CNTNAP4: variants seen among roughly 807,000 people sequenced by gnomAD.
CNTNAP4 encodes the protein contactin-associated protein-like 4.
Under a neutral mutation model 148.4 loss-of-function variants are expected in CNTNAP4, and 98 were observed. That is an observed-to-expected ratio of 0.66 (90% CI 0.56 to 0.78). CNTNAP4 has a LOEUF of 0.78. Among genes scored for constraint, CNTNAP4 ranks in the 30% least tolerant of loss-of-function variants. The pLI is 0.00. For missense variants in CNTNAP4, 1,935 were observed against 1,565.6 expected, an observed-to-expected ratio of 1.24 and a Z score of -3.98; for synonymous variants, 730 against 565.1, an observed-to-expected ratio of 1.29 and a Z score of -4.14.
intron 3 of CNTNAP4, among the ~76,000 whole-genome samples, chr16:76,421,074 C>G (rs145960997): frequency 1.2e-4 from 19 of 152,056 alleles, no homozygotes; most frequent in Admixed American, 1.2e-3. Context: ...TTGCATCTTT[C>G]CTGTGCTTTT....
intron 4 of CNTNAP4, among the ~76,000 whole-genome samples, chr16:76,438,803 C>T (rs902070245): frequency 1.3e-5 from 2 of 152,122 alleles, no homozygotes; most frequent in African/African-American, 4.8e-5. Flanking sequence ...GCTTAAATAG[C>T]ACTTCCTTAG....
chr16:76,316,541 C>T lies in CNTNAP4; in HGVS notation c.196+18C>T, dbSNP rs747980. On this transcript the variant is annotated intron_variant, in intron 2 of 23. Coordinates refer to ENST00000611870, the MANE Select transcript of CNTNAP4 (RefSeq NM_033401.5). ...AAGAGATGGTAAGTCTGCTTTTCTC[C>T]TCTGACTGGCCCATAGAAAATCTCA... is the stretch of plus-strand genomic sequence containing the variant. The T allele has an allele frequency of 0.31, 473,772 of 1,508,230 alleles. 78,825 individuals carry two copies. The highest frequency in any genetic ancestry group is 0.35 in the Non-Finnish European group (384,125 of 1,084,866). The allele number at this position is 1,508,230 out of a possible 1,614,324, so 93.4% of individuals were successfully genotyped here.
At chr16:76,518,191 A>C (rs1568478100) in intron 15 of CNTNAP4, among the ~76,000 whole-genome samples, 1 of 152,048 alleles carries the variant, frequency 6.6e-6, no homozygotes, top group Non-Finnish European at 1.5e-5. Context: ...GCAGATGCAT[A>C]ATCTGGGCTG....
chr16:76,367,492 A>G (rs2144598919), intron 3 of CNTNAP4, among the ~76,000 whole-genome samples: 1 of 152,310 alleles, frequency 6.6e-6, no homozygotes, highest in African/African-American at 2.4e-5. Context: ...ACATTGGGAA[A>G]TATTTTTAGC....
chr16:76,512,028 G>A (rs922977536), intron 15 of CNTNAP4, among the ~76,000 whole-genome samples: 1 of 152,176 alleles, frequency 6.6e-6, no homozygotes, highest in Non-Finnish European at 1.5e-5. Flanking sequence ...CAAGGCACAT[G>A]TCTACCTTTG....
chr16:76,400,294 C>T (rs1447375818), intron 3 of CNTNAP4, among the ~76,000 whole-genome samples: 1 of 152,130 alleles, frequency 6.6e-6, no homozygotes, highest in Non-Finnish European at 1.5e-5. Context: ...CATCACCTCA[C>T]ATATTTTTTG....
intron 17 of CNTNAP4, among the ~76,000 whole-genome samples, chr16:76,529,188 G>T (rs1568525367): frequency 1.3e-5 from 2 of 151,950 alleles, no homozygotes; most frequent in South Asian, 4.2e-4. Flanking sequence ...CTCCATTTTT[G>T]TTCTTAGTTG....
At chr16:76,523,266 A>G (rs893420100) in intron 17 of CNTNAP4, among the ~76,000 whole-genome samples, 1 of 94,924 alleles carries the variant, frequency 1.1e-5, no homozygotes, top group African/African-American at 4.0e-5. Context: ...CCATCACATC[A>G]AAAACAGGCC....
intron 20 of CNTNAP4, among the ~76,000 whole-genome samples, chr16:76,540,245 A>G (rs1364054424): frequency 6.6e-6 from 1 of 152,158 alleles, no homozygotes; most frequent in African/African-American, 2.4e-5. Flanking sequence ...AAATGGAATT[A>G]TTCATGGAGC....
Position 76,531,856 on chromosome 16 carries a change from G to T in CNTNAP4, c.2756-3689G>T, listed in dbSNP as rs550624040. Among the ~76,000 whole-genome samples, 3 of 152,200 alleles carry T rather than the reference G, an allele frequency of 2.0e-5. 1 individual carries two copies. Among genetic ancestry groups the T allele is most frequent in the African/African-American group, 7.2e-5 (3 of 41,520 alleles). ...ATGTTTTCTGGTCATTTAGAGTGTG[G>T]CTTAAAACTATTTGGTTAGGTAAAT... On this transcript the variant is annotated intron_variant, in intron 17 of 23. Coordinates refer to ENST00000611870, the MANE Select transcript of CNTNAP4 (RefSeq NM_033401.5).
At chr16:76,295,607 T>C (rs957301939) in intron 1 of CNTNAP4, among the ~76,000 whole-genome samples, 1 of 151,974 alleles carries the variant, frequency 6.6e-6, no homozygotes, top group African/African-American at 2.4e-5. Flanking sequence ...ACAATGCTAA[T>C]AAAGAACAGG....
chr16:76,296,365 C>T lies in CNTNAP4; in HGVS notation c.85+18618C>T, dbSNP rs886387640. ...AATAGTAAAGATTAAATACATCTGCCTTATGATAGAAGACTGAATTCCTAT... is the reference window on the plus strand; with the variant it reads ...AATAGTAAAGATTAAATACATCTGCTTTATGATAGAAGACTGAATTCCTAT... On this transcript the variant is annotated intron_variant, in intron 1 of 23. Coordinates refer to ENST00000611870, the MANE Select transcript of CNTNAP4 (RefSeq NM_033401.5). Among the ~76,000 whole-genome samples the T allele has an allele frequency of 2.0e-5, 3 of 152,118 alleles. 1 individual carries two copies. Among genetic ancestry groups the T allele is most frequent in the African/African-American group, 7.2e-5 (3 of 41,422 alleles).
intron 4 of CNTNAP4, among the ~76,000 whole-genome samples, chr16:76,433,097 C>T (rs962077251): frequency 6.6e-6 from 1 of 152,094 alleles, no homozygotes; most frequent in Non-Finnish European, 1.5e-5. Flanking sequence ...TTTTCTTCTC[C>T]CAATCATGAC....
chr16:76,360,360 C>G (rs2013254995), intron 3 of CNTNAP4, among the ~76,000 whole-genome samples: 1 of 152,168 alleles, frequency 6.6e-6, no homozygotes. Flanking sequence ...TTTCCACATG[C>G]ATTTGTTTTA....
intron 20 of CNTNAP4, 58 bp from the exon 21 acceptor site, chr16:76,540,645 T>C (rs2144291959): frequency 2.4e-6 from 3 of 1,255,798 alleles, no homozygotes; most frequent in Non-Finnish European, 3.4e-6. Context: ...TTGCTTCCTG[T>C]CTTCTCAACA....
At chr16:76,331,339 C>T (rs1302699938) in intron 2 of CNTNAP4, among the ~76,000 whole-genome samples, 1 of 152,022 alleles carries the variant, frequency 6.6e-6, no homozygotes, top group Non-Finnish European at 1.5e-5. Flanking sequence ...AGGCGCCCGC[C>T]ACCATGCTCG....
intron 3 of CNTNAP4, among the ~76,000 whole-genome samples, chr16:76,376,150 G>T (rs1193094839): frequency 6.7e-6 from 1 of 150,248 alleles, no homozygotes; most frequent in African/African-American, 2.5e-5. Flanking sequence ...GGGAAATAAA[G>T]AAAAGCAAGC....
At chr16:76,413,566 A>AT in intron 3 of CNTNAP4, among the ~76,000 whole-genome samples, 1 of 150,288 alleles carries the variant, frequency 6.7e-6, no homozygotes, top group East Asian at 2.0e-4. Context: ...TATCCAGTAA[A>AT]AAAAAAACCC....
chr16:76,292,931 G>T (rs960904045), intron 1 of CNTNAP4, among the ~76,000 whole-genome samples: 2 of 152,102 alleles, frequency 1.3e-5, no homozygotes, highest in African/African-American at 4.8e-5. Flanking sequence ...GAGTGAATAT[G>T]ATTCTGTAAA....
Sources: allele counts gnomAD v4.1 joint callset (sites outside exome capture counted in the v4.1 genomes callset), GRCh38; gene constraint gnomAD v4.1.1; transcripts MANE v1.5; gene names NCBI Gene and HGNC (gene_info 2026-07-23, HGNC 2026-07-21).